CPAMD8: variants seen among roughly 807,000 people sequenced by gnomAD.
The protein encoded by CPAMD8 is C3 and PZP-like alpha-2-macroglobulin domain-containing protein 8.
A neutral mutation model predicts 224.7 loss-of-function variants in CPAMD8; 146 were observed. The observed-to-expected ratio is 0.65, with a 90% CI of 0.57 to 0.75. CPAMD8 has a LOEUF of 0.75. CPAMD8 is among the 30% of genes least tolerant of loss of function. The probability of loss-of-function intolerance (pLI) is 0.00; values close to 1 mark genes in which losing one functional copy is unlikely to be tolerated. For missense variants in CPAMD8, 2,301 were observed against 2,537.5 expected, an observed-to-expected ratio of 0.91 and a Z score of 2.00; for synonymous variants, 966 against 1,044.6, an observed-to-expected ratio of 0.92 and a Z score of 1.45.
chr19:17,004,268 C>A lies in CPAMD8; in HGVS notation c.673+5G>T. On this transcript the variant is annotated splice_donor_5th_base_variant and intron_variant, in intron 8 of 41. Transcript: ENST00000443236. Reference sequence around the variant, plus strand: ...ATCCCAAGACCCTGAGATTCTCCAACTTACCATACTTCTGAACTTCAAAAG... The same window carrying A: ...ATCCCAAGACCCTGAGATTCTCCAAATTACCATACTTCTGAACTTCAAAAG... The A allele has an allele frequency of 6.3e-7, 1 of 1,587,478 alleles. No homozygotes were observed. Among genetic ancestry groups the A allele is most frequent in the Non-Finnish European group, 8.6e-7 (1 of 1,156,244 alleles).
intron 18 of CPAMD8, among the ~76,000 whole-genome samples, chr19:16,967,213 A>C (rs1013994176): frequency 7.9e-5 from 12 of 152,054 alleles, no homozygotes; most frequent in African/African-American, 2.9e-4. Flanking sequence ...GCCAGAAACC[A>C]TCATTCTCAG....
At chr19:17,007,791 A>C (rs2056533573) in intron 7 of CPAMD8, among the ~76,000 whole-genome samples, 1 of 152,260 alleles carries the variant, frequency 6.6e-6, no homozygotes, top group Non-Finnish European at 1.5e-5. Context: ...AAAAGAAAAA[A>C]GCAAAGTCCT....
In CPAMD8 at chr19:16,977,384, G is replaced by A. The variant is rs745384106; in HGVS notation, c.1742C>T (p.Thr581Ile). 6.2e-7 allele frequency: 1 copy of A among 1,611,414 alleles called. No individual in the cohort carries two copies. The highest frequency in any genetic ancestry group is 1.1e-5 in the South Asian group (1 of 90,962). The change falls in exon 15 of 42, where the codon ACC (threonine) becomes ATC (isoleucine). Residue 581 changes from threonine (T) to isoleucine (I), a missense_variant. By Grantham distance (89) the Thr-to-Ile change is moderately conservative. Transcript: ENST00000443236. ...ATGCTCTACCTGGTTTTCGAAGAAG[G>A]TCTCGACTGCAAACTGAAGGCTGTC... ...VADSLQFAVE[T>I]FFENQVSVTY...
chr19:16,990,982 T>C (rs974137124), intron 12 of CPAMD8, among the ~76,000 whole-genome samples: 2 of 151,366 alleles, frequency 1.3e-5, no homozygotes, highest in African/African-American at 4.9e-5. Context: ...AGTTGTGTGA[T>C]TAGATGGCTG....
intron 20 of CPAMD8, among the ~76,000 whole-genome samples, chr19:16,949,352 T>C (rs1407754445): frequency 6.6e-6 from 1 of 152,154 alleles, no homozygotes; most frequent in African/African-American, 2.4e-5. Context: ...AACCTCCCTT[T>C]AGGGGCCAAC....
intron 9 of CPAMD8, among the ~76,000 whole-genome samples, chr19:17,001,472 G>T (rs1003474935): frequency 2.2e-5 from 3 of 133,858 alleles, no homozygotes; most frequent in Admixed American, 7.7e-5. Context: ...GTCACACCCT[G>T]GGGGGTAGGG....
At chr19:17,026,509 C>T in intron 1 of CPAMD8, 42 bp downstream of exon 1, 1 of 1,457,710 alleles carries the variant, frequency 6.9e-7, no homozygotes, top group Non-Finnish European at 9.0e-7. Context: ...GACCCCCACC[C>T]CAGAAGGCGA....
At chr19:16,989,440 C>T (rs772871781) in intron 13 of CPAMD8, among the ~76,000 whole-genome samples, 25 of 152,260 alleles carry the variant, frequency 1.6e-4, no homozygotes, top group Non-Finnish European at 2.9e-4. Context: ...GCACGCACCA[C>T]CACACTCAGC....
In CPAMD8 at chr19:16,920,295, C is replaced by T. The variant is rs139129138; in HGVS notation, c.3629+1610G>A. Among the ~76,000 whole-genome samples, 363 of 151,484 alleles carry T rather than the reference C, an allele frequency of 2.4e-3. 5 individuals are homozygous for T. The East Asian group carries it at 0.047, about 20-fold the overall frequency. Reference sequence around the variant, plus strand: ...AAGATCGAGACCATCCTGGCTAACACGGTGAAACCCCGTCTCTATTAAAAA... The same window carrying T: ...AAGATCGAGACCATCCTGGCTAACATGGTGAAACCCCGTCTCTATTAAAAA... On this transcript the variant is annotated intron_variant, in intron 27 of 41. Transcript: ENST00000443236.
intron 17 of CPAMD8, 94 bp downstream of exon 17, chr19:16,975,003 T>A (rs571760323): frequency 1.8e-5 from 27 of 1,460,266 alleles, no homozygotes; most frequent in Admixed American, 2.6e-5. Flanking sequence ...CTTCCAATTC[T>A]GTTTCCAACC....
chr19:17,021,348 C>T (rs948771799), intron 2 of CPAMD8, among the ~76,000 whole-genome samples: 1 of 152,148 alleles, frequency 6.6e-6, no homozygotes, highest in Non-Finnish European at 1.5e-5. Flanking sequence ...AGAAGGGCTT[C>T]TAGAAGGTTC....
At position 16,895,489 on chromosome 19, in the gene CPAMD8, G is replaced by T. The variant is rs374524824; in HGVS notation, c.5426+687C>A. ...TTCTCAAAATAACAAAATTACAGAC[G>T]GGTAGGGGGAAAATGGCTTAGTGGT... On this transcript the variant is annotated intron_variant, in intron 41 of 41. Coordinates refer to ENST00000443236, the MANE Select transcript of CPAMD8 (RefSeq NM_015692.5). 87 of 186,588 alleles carry T rather than the reference G, an allele frequency of 4.7e-4. 1 individual carries two copies. In the South Asian group the frequency reaches 8.3e-3, roughly 18 times the overall value. The allele number at this position is 186,588 out of a possible 1,614,324, so 11.6% of individuals were successfully genotyped here. A position where few individuals can be genotyped will look rare whatever the true frequency, so the allele number is the denominator to read the frequency against.
intron 27 of CPAMD8, among the ~76,000 whole-genome samples, chr19:16,920,333 A>C (rs1284157014): frequency 6.6e-6 from 1 of 151,910 alleles, no homozygotes; most frequent in Non-Finnish European, 1.5e-5. Context: ...CAAAAAAAGT[A>C]GCCAGGCGTG....
At chr19:16,934,232 G>A (rs2053624106) in intron 23 of CPAMD8, among the ~76,000 whole-genome samples, 1 of 152,114 alleles carries the variant, frequency 6.6e-6, no homozygotes, top group Non-Finnish European at 1.5e-5. Flanking sequence ...GGAAATGTTT[G>A]TTATCTTAGT....
intron 20 of CPAMD8, among the ~76,000 whole-genome samples, chr19:16,948,882 G>GGAGGGGAAGA (rs2054200848): frequency 1.6e-5 from 1 of 63,440 alleles, no homozygotes; most frequent in African/African-American, 9.5e-5. Context: ...GGAAGGGAAG[G>GGAGGGGAAGA]GAAGGGAAGG....
At chr19:16,989,825 G>T in intron 12 of CPAMD8, 54 bp from the exon 13 acceptor site, 2 of 1,569,256 alleles carry the variant, frequency 1.3e-6, no homozygotes, top group Non-Finnish European at 1.7e-6. Context: ...CAGAAAGGGG[G>T]TCTTGGGGAT....
At chr19:16,990,863 CAAAAAAAAAA>C (rs3067791) in intron 12 of CPAMD8, among the ~76,000 whole-genome samples, 138 of 73,124 alleles carry the variant, frequency 1.9e-3, no homozygotes, top group East Asian at 8.5e-3. Flanking sequence ...AACTCTGTCT[CAAAAAAAAAA>C]AAAAAAAAAA....
intron 35 of CPAMD8, among the ~76,000 whole-genome samples, chr19:16,901,853 A>C (rs1341373995): frequency 6.6e-6 from 1 of 152,078 alleles, no homozygotes; most frequent in Non-Finnish European, 1.5e-5. Context: ...AGCTGCGGGG[A>C]GTGCACCAAG....
rs766779709 is a variant in CPAMD8 at position 16,929,073 on chromosome 19, G to A, written c.3013C>T (p.His1005Tyr). The change falls in exon 24 of 42, where the codon CAT becomes TAT. Residue 1005 changes from histidine to tyrosine, a missense_variant. This residue lies in a region of CPAMD8 where 1,709 missense variants were observed against 1,753.2 expected (regional missense o/e 0.97). Transcript: ENST00000443236. ...AGMIEIVLGG[H>Y]QNTRSWISTS... ...GAGATCCATGACCTGGTGTTCTGATGCCCCCCCAGGACGATCTCGATCATG... is the reference window on the plus strand; with the variant it reads ...GAGATCCATGACCTGGTGTTCTGATACCCCCCCAGGACGATCTCGATCATG... The A allele has an allele frequency of 6.2e-7, 1 of 1,613,408 alleles. No individual in the cohort carries two copies. The highest frequency in any genetic ancestry group is 8.5e-7 in the Non-Finnish European group (1 of 1,179,758).
Sources: allele counts gnomAD v4.1 joint callset (sites outside exome capture counted in the v4.1 genomes callset), GRCh38; gene constraint gnomAD v4.1.1; regional missense constraint gnomAD v4.1.1; transcripts MANE v1.5; gene names NCBI Gene and HGNC (gene_info 2026-07-23, HGNC 2026-07-21).